PLAAT4: variants seen among roughly 807,000 people sequenced by gnomAD.
The protein encoded by PLAAT4 is HRAS-like suppressor 4.
Under a neutral mutation model 14.1 loss-of-function variants are expected in PLAAT4, and 12 were observed. That is an observed-to-expected ratio of 0.85 (90% CI 0.54 to 1.37). The LOEUF (loss-of-function observed/expected upper bound fraction) is 1.37, where lower values mean the gene tolerates loss of function less well. Ranked by LOEUF, PLAAT4 falls within the 40% of genes most tolerant of loss-of-function variation. The pLI is 0.00. For synonymous variants in PLAAT4, 77 were observed against 79.8 expected (o/e 0.96, Z 0.19); for missense variants, 163 against 211.7 (o/e 0.77, Z 1.43).
chr11:63,545,013 A>G (rs2017352961), intron 3 of PLAAT4, 124 bp downstream of exon 3: 45 of 1,355,592 alleles, frequency 3.3e-5, no homozygotes, highest in Non-Finnish European at 4.7e-5. Flanking sequence ...GCTGAGAGTC[A>G]GGACCTCTGA....
At position 63,544,614 on chromosome 11, in the gene PLAAT4, A is replaced by G. The variant is rs1309793155; in HGVS notation, c.119-7A>G. The G allele has an allele frequency of 1.9e-6, 3 of 1,607,352 alleles. No homozygotes were observed. Among genetic ancestry groups the G allele is most frequent in the East Asian group, 4.5e-5 (2 of 44,698 alleles). ...TCCCCTGCCAGTGAGAGTGCCTCTG[A>G]TTGCAGGTGAGTACCCCGGGGCTGG... On this transcript the variant is annotated splice_polypyrimidine_tract_variant and splice_region_variant and intron_variant, in intron 2 of 3. Transcript: ENST00000255688.
At chr11:63,538,210 G>A (rs2134355333) in intron 1 of PLAAT4, among the ~76,000 whole-genome samples, 1 of 152,258 alleles carries the variant, frequency 6.6e-6, no homozygotes, top group Admixed American at 6.5e-5. Flanking sequence ...GGAGGGTGAG[G>A]AAGGGCCAGT....
intron 3 of PLAAT4, 79 bp from the exon 4 acceptor site, chr11:63,546,070 G>A: frequency 9.0e-7 from 1 of 1,111,234 alleles, no homozygotes; most frequent in Non-Finnish European, 1.4e-6. Flanking sequence ...GAGAGGGAGA[G>A]GAGTTCCAGG....
rs1348360146 is a variant in PLAAT4, at chr11:63,544,671, A to C, written c.169A>C (p.Ser57Arg). ...CAGTGTCTTCTCAGTCCTGAGCAACAGTGCAGAGGTGAAACGGGAGCGCCT... is the reference window on the plus strand; with the variant it reads ...CAGTGTCTTCTCAGTCCTGAGCAACCGTGCAGAGGTGAAACGGGAGCGCCT... ...SSSVFSVLSN[S>R]AEVKRERLED... The change falls in exon 3 of 4, where the codon AGT becomes CGT. Residue 57 changes from serine (S) to arginine (R), a missense_variant. By Grantham distance (110) the Ser-to-Arg change is moderately radical. Coordinates refer to ENST00000255688, the MANE Select transcript of PLAAT4 (RefSeq NM_004585.5). The C allele has an allele frequency of 1.2e-6, 2 of 1,614,156 alleles. No individual in the cohort carries two copies. The highest frequency in any genetic ancestry group is 2.2e-5 in the South Asian group (2 of 91,084).
chr11:63,543,710 C>A (rs1338502920), intron 2 of PLAAT4, among the ~76,000 whole-genome samples: 2 of 152,210 alleles, frequency 1.3e-5, no homozygotes, highest in African/African-American at 4.8e-5. Flanking sequence ...AGGTACTATC[C>A]ATTTTAATAA....
At chr11:63,544,277 T>G (rs1278841245) in intron 2 of PLAAT4, among the ~76,000 whole-genome samples, 1 of 152,154 alleles carries the variant, frequency 6.6e-6, no homozygotes, top group African/African-American at 2.4e-5. Flanking sequence ...TGACATTCAC[T>G]GACTTGAACG....
intron 1 of PLAAT4, 31 bp downstream of exon 1, chr11:63,536,908 T>C: frequency 1.2e-6 from 2 of 1,606,138 alleles, no homozygotes; most frequent in Non-Finnish European, 1.7e-6. Flanking sequence ...CATTACTGAC[T>C]CTACAGCAGT....
chr11:63,540,358 A>G (rs1273583498), intron 2 of PLAAT4, among the ~76,000 whole-genome samples: 1 of 152,266 alleles, frequency 6.6e-6, no homozygotes, highest in African/African-American at 2.4e-5. Context: ...AAGATTCCTT[A>G]CTGGGAGCAA....
At position 63,546,390 on chromosome 11, in the gene PLAAT4, C is replaced by T. The variant is rs917958275; in HGVS notation, c.*134C>T. On this transcript the variant is annotated 3_prime_UTR_variant, in exon 4 of 4. Transcript: ENST00000255688. ...TAGATCCTTTCCTCTGTTTCCCTCT[C>T]TCGCTGGCAAAAGTATGATCTAATT... 2.7e-6 allele frequency: 2 copies of T among 747,318 alleles called. No homozygotes were observed. The highest frequency in any genetic ancestry group is 1.8e-5 in the African/African-American group (1 of 56,836). The allele number at this position is 747,318 out of a possible 1,614,324, so 46.3% of individuals were successfully genotyped here.
intron 2 of PLAAT4, 66 bp downstream of exon 2, chr11:63,539,690 G>A (rs746806326): frequency 2.8e-5 from 35 of 1,260,182 alleles, no homozygotes; most frequent in South Asian, 1.6e-4. Flanking sequence ...GGCCGGGCAC[G>A]GTGGCTCATG....
chr11:63,544,990 T>G (rs760641625), intron 3 of PLAAT4, 101 bp downstream of exon 3: 29 of 1,529,572 alleles, frequency 1.9e-5, no homozygotes, highest in Non-Finnish European at 2.5e-5. Context: ...TGCAGCCTCT[T>G]AGAGACCTGC....
chr11:63,539,510 T>C lies in PLAAT4; in HGVS notation c.10-6T>C. 1 of 1,612,640 alleles carries C rather than the reference T, an allele frequency of 6.2e-7. No homozygotes were observed. Among genetic ancestry groups the C allele is most frequent in the South Asian group, 1.1e-5 (1 of 91,052 alleles). ...GGGTACTCCATCTCTGGCTTTTCTG[T>C]TGCAGCCACACCAAGAGCCCAAACC... is the stretch of plus-strand genomic sequence containing the variant. On this transcript the variant is annotated splice_region_variant and splice_polypyrimidine_tract_variant and intron_variant, in intron 1 of 3. Transcript: ENST00000255688.
chr11:63,538,844 G>C (rs1296222789), intron 1 of PLAAT4, among the ~76,000 whole-genome samples: 1 of 152,172 alleles, frequency 6.6e-6, no homozygotes, highest in Non-Finnish European at 1.5e-5. Flanking sequence ...CCCTGGGGCT[G>C]TGGAGATGGT....
chr11:63,541,527 C>CTT (rs36001314), intron 2 of PLAAT4, among the ~76,000 whole-genome samples: 46 of 134,882 alleles, frequency 3.4e-4, no homozygotes, highest in African/African-American at 1.1e-3. Context: ...TCTCTCTTTC[C>CTT]TTTTTTTTTT....
In PLAAT4 at chr11:63,546,314, T is replaced by TC; in HGVS notation, c.*63dup. On this transcript the variant is annotated 3_prime_UTR_variant, in exon 4 of 4. Coordinates refer to ENST00000255688, the MANE Select transcript of PLAAT4 (RefSeq NM_004585.5). ...GTGGGGGTCCCAGTGGAGATGAGCC[T>TC]CCCCCATGCCTCCAGCAGCCTGACC... 1 of 1,494,204 alleles carries TC rather than the reference T, an allele frequency of 6.7e-7. No individual in the cohort carries two copies. Among genetic ancestry groups the TC allele is most frequent in the Non-Finnish European group, 9.3e-7 (1 of 1,071,554 alleles). The allele number at this position is 1,494,204 out of a possible 1,614,324, so 92.6% of individuals were successfully genotyped here. A position where few individuals can be genotyped will look rare whatever the true frequency, so the allele number is the denominator to read the frequency against.
At chr11:63,541,229 G>A (rs891343261) in intron 2 of PLAAT4, among the ~76,000 whole-genome samples, 30 of 145,474 alleles carry the variant, frequency 2.1e-4, no homozygotes, top group Non-Finnish European at 3.3e-4. Context: ...GTCTTGCTCT[G>A]TCACCGGGAT....
chr11:63,538,277 C>T (rs910715422), intron 1 of PLAAT4: 2 of 297,874 alleles, frequency 6.7e-6, no homozygotes, highest in African/African-American at 2.3e-5. Context: ...GGTCAGAGGA[C>T]GGTCATGGCC....
In PLAAT4 at chr11:63,544,539, CCAG is replaced by C. The variant is rs2017346280; in HGVS notation, c.119-81_119-79del. ...AATCACATTTGTGAAAGGATAAACA[CCAG>C]TAGTTCCTTAGTGGAGATTTCAAGC... On this transcript the variant is annotated intron_variant, in intron 2 of 3. Coordinates refer to ENST00000255688, the MANE Select transcript of PLAAT4 (RefSeq NM_004585.5). 5 of 1,444,300 alleles carry C rather than the reference CCAG, an allele frequency of 3.5e-6. No homozygotes were observed. In the African/African-American group the frequency reaches 4.3e-5, roughly 12 times the overall value. 89.5% of individuals were successfully genotyped at this position (1,444,300 alleles called of 1,614,324 possible).
At chr11:63,537,682 G>T (rs2134354962) in intron 1 of PLAAT4, among the ~76,000 whole-genome samples, 1 of 152,330 alleles carries the variant, frequency 6.6e-6, no homozygotes, top group African/African-American at 2.4e-5. Flanking sequence ...CAGCATTGCA[G>T]TTAAAAGCCC....
Sources: allele counts gnomAD v4.1 joint callset (sites outside exome capture counted in the v4.1 genomes callset), GRCh38; gene constraint gnomAD v4.1.1; transcripts MANE v1.5; gene names NCBI Gene and HGNC (gene_info 2026-07-23, HGNC 2026-07-21).